DCTN5: variants seen among roughly 807,000 people sequenced by gnomAD.
DCTN5 encodes dynactin subunit 5.
Under a neutral mutation model 23.5 loss-of-function variants are expected in DCTN5, and 14 were observed. The observed-to-expected ratio is 0.60, with a 90% CI of 0.39 to 0.93. The LOEUF (loss-of-function observed/expected upper bound fraction) is 0.93. Among genes scored for constraint, DCTN5 ranks in the 40% least tolerant of loss-of-function variants. The pLI, the probability that DCTN5 is intolerant of heterozygous loss-of-function variation, is 0.00. For missense variants in DCTN5, 156 were observed against 225.9 expected (o/e 0.69, Z 1.98); for synonymous variants, 67 against 79.6 (o/e 0.84, Z 0.84).
In DCTN5 at chr16:23,673,669, T is replaced by C. The variant is rs1968048269; in HGVS notation, c.*6525T>C. The C allele has an allele frequency of 6.6e-6, 1 of 152,200 alleles. No homozygotes were observed. Among genetic ancestry groups the C allele is most frequent in the Non-Finnish European group, 1.5e-5 (1 of 68,040 alleles). 9.4% of individuals were successfully genotyped at this position (152,200 alleles called of 1,614,324 possible). On this transcript the variant is annotated 3_prime_UTR_variant, in exon 6 of 6. Coordinates refer to ENST00000300087, the MANE Select transcript of DCTN5 (RefSeq NM_032486.4). The stretch of plus-strand genomic sequence containing the variant: ...AATAAAGCTACTCAAAAATAAAATA[T>C]GAAAGGTGTTAGTGGGATACAGCTT...
At chr16:23,646,327 AT>A (rs564027964) in intron 2 of DCTN5, among the ~76,000 whole-genome samples, 11 of 152,162 alleles carry the variant, frequency 7.2e-5, no homozygotes, top group Non-Finnish European at 1.5e-4. Flanking sequence ...CATTCTGGAT[AT>A]TAAACACTTA....
Position 23,641,483 on chromosome 16 carries a change from C to T in DCTN5, c.-60C>T, listed in dbSNP as rs1326937415. ...GAGCGGCCGGAAGTAGCCGGAATCT[C>T]TGAAAGACTGACCGACTGACTCTGA... On this transcript the variant is annotated 5_prime_UTR_variant, in exon 1 of 6. Transcript: ENST00000300087. 6.2e-7 allele frequency: 1 copy of T among 1,606,960 alleles called. No homozygotes were observed. The highest frequency in any genetic ancestry group is 1.3e-5 in the African/African-American group (1 of 74,808).
At chr16:23,649,231 C>G (rs560009426) in intron 2 of DCTN5, among the ~76,000 whole-genome samples, 1 of 152,028 alleles carries the variant, frequency 6.6e-6, no homozygotes, top group Non-Finnish European at 1.5e-5. Flanking sequence ...TGAGAAATGT[C>G]GATTCAAATC....
rs1182636743 is a variant in DCTN5, at chr16:23,645,124, TA to T, written c.117+2102del. The stretch of plus-strand genomic sequence containing the variant: ...ATATATATATATATATATATATATA[TA>T]TATATATATATATTTTTTTTTTTTT... On this transcript the variant is annotated intron_variant, in intron 2 of 5. Coordinates refer to ENST00000300087, the MANE Select transcript of DCTN5 (RefSeq NM_032486.4). Among the ~76,000 whole-genome samples the T allele has an allele frequency of 7.9e-3, 317 of 39,928 alleles. 19 individuals carry two copies. Among genetic ancestry groups the T allele is most frequent in the East Asian group, 0.014 (20 of 1,480 alleles). 26.2% of individuals were successfully genotyped at this position (39,928 alleles called of 152,430 possible).
chr16:23,647,458 CT>C (rs1167369660), intron 2 of DCTN5, among the ~76,000 whole-genome samples: 1 of 147,980 alleles, frequency 6.8e-6, no homozygotes, highest in Non-Finnish European at 1.5e-5. Flanking sequence ...CATGTTTGTT[CT>C]TTTATAAGAT....
rs1967986128 is a variant in DCTN5 at position 23,670,500 on chromosome 16, G to C, written c.*3356G>C. The C allele has an allele frequency of 6.6e-6, 1 of 152,112 alleles. No individual in the cohort carries two copies. Among genetic ancestry groups the C allele is most frequent in the Admixed American group, 6.5e-5 (1 of 15,274 alleles). 9.4% of individuals were successfully genotyped at this position (152,112 alleles called of 1,614,324 possible). ...CTTTCTCTGTATCCTGTTCTATCCA[G>C]TGAGAGCCTAGAGGGTGCTGCCCAG... On this transcript the variant is annotated 3_prime_UTR_variant, in exon 6 of 6. Coordinates refer to ENST00000300087, the MANE Select transcript of DCTN5 (RefSeq NM_032486.4).
At chr16:23,664,782 C>G (rs188259195) in intron 4 of DCTN5, among the ~76,000 whole-genome samples, 2 of 152,328 alleles carry the variant, frequency 1.3e-5, no homozygotes, top group Admixed American at 1.3e-4. Context: ...AGTGGGAGAA[C>G]AAATGAACTA....
rs1264839983 is a variant in DCTN5 at position 23,670,909 on chromosome 16, T to A, written c.*3765T>A. On this transcript the variant is annotated 3_prime_UTR_variant, in exon 6 of 6. Transcript: ENST00000300087. ...AGACACCATCACTCATTTATTCATT[T>A]AACAAGTGCTTTCCAAGCCACTACT... The A allele has an allele frequency of 1.3e-5, 2 of 152,218 alleles. No individual in the cohort carries two copies. Among genetic ancestry groups the A allele is most frequent in the Non-Finnish European group, 2.9e-5 (2 of 68,042 alleles). 9.4% of individuals were successfully genotyped at this position (152,218 alleles called of 1,614,324 possible).
chr16:23,642,390 C>T (rs776082633), intron 1 of DCTN5, among the ~76,000 whole-genome samples: 2 of 152,210 alleles, frequency 1.3e-5, no homozygotes, highest in Non-Finnish European at 2.9e-5. Context: ...GTAAAGCCCA[C>T]GCGTGGAAGT....
chr16:23,645,133 ATATATT>A (rs1321183986), intron 2 of DCTN5, among the ~76,000 whole-genome samples: 6 of 22,380 alleles, frequency 2.7e-4, no homozygotes, highest in Non-Finnish European at 3.7e-4. Context: ...ATATATATAT[ATATATT>A]TTTTTTTTTT....
chr16:23,650,112 A>G (rs977785150), intron 2 of DCTN5, among the ~76,000 whole-genome samples: 3 of 152,168 alleles, frequency 2.0e-5, no homozygotes, highest in African/African-American at 7.2e-5. Flanking sequence ...GCATTGCAGT[A>G]TATTTTTAAG....
chr16:23,663,530 A>C (rs1178433851), intron 4 of DCTN5, among the ~76,000 whole-genome samples: 1 of 152,122 alleles, frequency 6.6e-6, no homozygotes, highest in African/African-American at 2.4e-5. Flanking sequence ...CCTGGCCAAC[A>C]TGGTGAAACC....
At chr16:23,641,860 C>G (rs1967275898) in intron 1 of DCTN5, among the ~76,000 whole-genome samples, 1 of 152,122 alleles carries the variant, frequency 6.6e-6, no homozygotes, top group South Asian at 2.1e-4. Context: ...ATACGAATTA[C>G]AGCTCGGACT....
chr16:23,650,849 G>A, intron 2 of DCTN5: 1 of 1,451,824 alleles, frequency 6.9e-7, no homozygotes. Flanking sequence ...AAGACTGAGT[G>A]TGAACAATAG....
chr16:23,642,464 C>T (rs1967308217), intron 1 of DCTN5: 1 of 154,828 alleles, frequency 6.5e-6, no homozygotes, highest in African/African-American at 2.4e-5. Flanking sequence ...TGAGTTTATT[C>T]CTTGAGTCCC....
chr16:23,659,669 T>C (rs1967775766), intron 3 of DCTN5, among the ~76,000 whole-genome samples: 1 of 152,174 alleles, frequency 6.6e-6, no homozygotes, highest in Admixed American at 6.5e-5. Context: ...CTAATGATAA[T>C]ACCCAGAAGT....
chr16:23,669,431 C>T lies in DCTN5; in HGVS notation c.*2287C>T, dbSNP rs1388578901. On this transcript the variant is annotated 3_prime_UTR_variant, in exon 6 of 6. Coordinates refer to ENST00000300087, the MANE Select transcript of DCTN5 (RefSeq NM_032486.4). ...CCAGTTATTGATAAAAAGAGCTCCC[C>T]TTTGCTGACAGAACTGCTGGATTTG... The T allele has an allele frequency of 2.0e-5, 3 of 152,336 alleles. No homozygotes were observed. Among genetic ancestry groups the T allele is most frequent in the Non-Finnish European group, 4.4e-5 (3 of 68,136 alleles). The allele number at this position is 152,336 out of a possible 1,614,324, so 9.4% of individuals were successfully genotyped here.
At chr16:23,662,178 C>T (rs1483988882) in intron 4 of DCTN5, among the ~76,000 whole-genome samples, 1 of 151,988 alleles carries the variant, frequency 6.6e-6, no homozygotes, top group African/African-American at 2.4e-5. Context: ...CCTTACTTCA[C>T]GGAGCTTACA....
chr16:23,667,429 A>G lies in DCTN5; in HGVS notation c.*285A>G. ...TGGAACACAGAATCATCTGTTCCCA[A>G]CACTCCAGCCCCTTGGTCCTGTGGA... On this transcript the variant is annotated 3_prime_UTR_variant, in exon 6 of 6. Coordinates refer to ENST00000300087, the MANE Select transcript of DCTN5 (RefSeq NM_032486.4). 1 of 393,398 alleles carries G rather than the reference A, an allele frequency of 2.5e-6. No homozygotes were observed. The highest frequency in any genetic ancestry group is 4.8e-6 in the Non-Finnish European group (1 of 210,508). 24.4% of individuals were successfully genotyped at this position (393,398 alleles called of 1,614,324 possible). A position where few individuals can be genotyped will look rare whatever the true frequency, so the allele number is the denominator to read the frequency against.
Sources: gnomAD v4.1 joint callset for allele counts (sites outside exome capture counted in the v4.1 genomes callset) on GRCh38, gnomAD v4.1.1 for gene constraint, MANE v1.5 for transcripts, NCBI Gene and HGNC (gene_info 2026-07-23, HGNC 2026-07-21) for gene names.